RPS6KC1: variants seen among roughly 807,000 people sequenced by gnomAD.
RPS6KC1 encodes the protein inactive ribosomal protein S6 kinase delta-1.
Under a neutral mutation model 103.8 loss-of-function variants are expected in RPS6KC1, and 54 were observed. That is an observed-to-expected ratio of 0.52 (90% CI 0.42 to 0.65). The LOEUF (loss-of-function observed/expected upper bound fraction) is 0.65, where lower values mean the gene tolerates loss of function less well. RPS6KC1 is among the 30% of genes least tolerant of loss of function. RPS6KC1 has a pLI of 0.00. For synonymous variants in RPS6KC1, 439 were observed against 438.7 expected (o/e 1.00, Z -0.01); for missense variants, 1,151 against 1,253.8 (o/e 0.92, Z 1.24).
the RPS6KC1 span, among the ~76,000 whole-genome samples, chr1:213,517,440 G>A: frequency 6.6e-6 from 1 of 152,100 alleles, no homozygotes; most frequent in African/African-American, 2.4e-5. Flanking sequence ...ATTTTTTCTT[G>A]TTGGTTTCAA....
At chr1:213,636,041 C>T in the RPS6KC1 span, among the ~76,000 whole-genome samples, 1 of 152,050 alleles carries the variant, frequency 6.6e-6, no homozygotes, top group Non-Finnish European at 1.5e-5. Flanking sequence ...GAATAAAATA[C>T]CTAGGAATAC....
At chr1:213,397,277 C>T in the RPS6KC1 span, among the ~76,000 whole-genome samples, 1 of 152,192 alleles carries the variant, frequency 6.6e-6, no homozygotes, top group South Asian at 2.1e-4. Flanking sequence ...CTTCTCCTTT[C>T]TCCTGCTTTT....
chr1:213,318,423 T>C, the RPS6KC1 span, among the ~76,000 whole-genome samples: 1 of 152,268 alleles, frequency 6.6e-6, no homozygotes, highest in Admixed American at 6.5e-5. Context: ...GTAAATTTAT[T>C]AATTTGATGC....
At chr1:213,577,171 T>C in the RPS6KC1 span, among the ~76,000 whole-genome samples, 1 of 152,188 alleles carries the variant, frequency 6.6e-6, no homozygotes, top group Non-Finnish European at 1.5e-5. Flanking sequence ...GCTCTAGTGA[T>C]AGTGAATAAG....
At chr1:213,220,323 T>A (rs1179026385) in intron 8 of RPS6KC1, among the ~76,000 whole-genome samples, 1 of 152,188 alleles carries the variant, frequency 6.6e-6, no homozygotes, top group East Asian at 1.9e-4. Context: ...AAAAATTGCA[T>A]CTGTTGCCAT....
chr1:213,297,314 G>A, the RPS6KC1 span, among the ~76,000 whole-genome samples: 1 of 152,198 alleles, frequency 6.6e-6, no homozygotes, highest in Non-Finnish European at 1.5e-5. Context: ...ATACTAGCAT[G>A]TGAGCATTTG....
the RPS6KC1 span, among the ~76,000 whole-genome samples, chr1:213,790,136 C>T: frequency 6.6e-6 from 1 of 152,154 alleles, no homozygotes; most frequent in African/African-American, 2.4e-5. Context: ...AAAGTCACCA[C>T]AGATTCTTTC....
chr1:213,766,710 A>T, the RPS6KC1 span, among the ~76,000 whole-genome samples: 1 of 152,074 alleles, frequency 6.6e-6, no homozygotes, highest in Non-Finnish European at 1.5e-5. Context: ...TATAGTAATT[A>T]TGTGTCATTC....
intron 6 of RPS6KC1, among the ~76,000 whole-genome samples, chr1:213,157,606 C>T (rs1244498273): frequency 3.3e-5 from 5 of 152,128 alleles, no homozygotes; most frequent in South Asian, 2.1e-4. Context: ...TGGCCAAGTA[C>T]GTGGTCTGTC....
the RPS6KC1 span, among the ~76,000 whole-genome samples, chr1:213,482,647 C>G: frequency 7.0e-6 from 1 of 142,422 alleles, no homozygotes; most frequent in African/African-American, 2.6e-5. Context: ...CTCCTGGGCT[C>G]AAGCGACTCT....
chr1:213,167,439 A>AACACACACACACAC (rs199762137), intron 6 of RPS6KC1, among the ~76,000 whole-genome samples: 166 of 75,978 alleles, frequency 2.2e-3, no homozygotes, highest in Admixed American at 4.7e-3. Context: ...CAAGGTTGAA[A>AACACACACACACAC]ACACACACAC....
the RPS6KC1 span, among the ~76,000 whole-genome samples, chr1:213,288,833 A>G: frequency 6.6e-6 from 1 of 152,130 alleles, no homozygotes; most frequent in Non-Finnish European, 1.5e-5. Context: ...ATTTAGAGAA[A>G]CAACAGAAAC....
the RPS6KC1 span, among the ~76,000 whole-genome samples, chr1:213,719,693 A>G: frequency 1.3e-5 from 2 of 152,096 alleles, no homozygotes; most frequent in African/African-American, 4.8e-5. Flanking sequence ...GTCCCTGAGG[A>G]CCTACTGCCA....
chr1:213,588,139 A>T, the RPS6KC1 span, among the ~76,000 whole-genome samples: 2 of 152,020 alleles, frequency 1.3e-5, no homozygotes, highest in African/African-American at 4.8e-5. Flanking sequence ...ACGGTGGCAC[A>T]GTCATAGCTC....
chr1:213,363,678 C>G, the RPS6KC1 span, among the ~76,000 whole-genome samples: 10 of 104,522 alleles, frequency 9.6e-5, 2 homozygotes, highest in African/African-American at 4.9e-4. Flanking sequence ...TTCTTTCTTT[C>G]TTTCTTTCTT....
At chr1:213,481,536 T>C in the RPS6KC1 span, among the ~76,000 whole-genome samples, 1 of 152,204 alleles carries the variant, frequency 6.6e-6, no homozygotes, top group Non-Finnish European at 1.5e-5. Context: ...TGTTCTTTAT[T>C]GGCCCTATTA....
At chr1:213,403,449 G>C in the RPS6KC1 span, among the ~76,000 whole-genome samples, 2 of 152,134 alleles carry the variant, frequency 1.3e-5, no homozygotes, top group Admixed American at 6.5e-5. Context: ...CAGCTCCTCT[G>C]TTACGAGCCT....
intron 1 of RPS6KC1, among the ~76,000 whole-genome samples, chr1:213,058,085 T>A (rs941947541): frequency 1.4e-5 from 2 of 143,274 alleles, no homozygotes; most frequent in Admixed American, 6.9e-5. Flanking sequence ...TTTTTTTTTT[T>A]AGAGATGGGG....
At chr1:213,783,001 G>T in the RPS6KC1 span, among the ~76,000 whole-genome samples, 2 of 152,122 alleles carry the variant, frequency 1.3e-5, no homozygotes. Flanking sequence ...CGGAAGCGCT[G>T]GACTATTGTT....
Sources: gnomAD v4.1 joint callset for allele counts (sites outside exome capture counted in the v4.1 genomes callset) on GRCh38, gnomAD v4.1.1 for gene constraint, MANE v1.5 for transcripts, NCBI Gene and HGNC (gene_info 2026-07-23, HGNC 2026-07-21) for gene names.